MGLL: variants seen among roughly 807,000 people sequenced by gnomAD.
MGLL encodes the protein monoglyceride lipase, also known as lysophospholipase homolog.
A neutral mutation model predicts 29.1 loss-of-function variants in MGLL; 7 were observed. The ratio of observed to expected loss-of-function variants is 0.24; its 90% confidence interval spans 0.14 to 0.45. MGLL has a LOEUF of 0.45. Ranked by LOEUF, MGLL falls within the 20% of genes least tolerant of loss-of-function variation. MGLL has a pLI of 0.99. For missense variants in MGLL, 356 were observed against 413.6 expected (o/e 0.86, Z 1.21); for synonymous variants, 148 against 168.3 (o/e 0.88, Z 0.93).
At chr3:127,700,544 T>A (rs1431722603) in intron 6 of MGLL, among the ~76,000 whole-genome samples, 7 of 152,190 alleles carry the variant, frequency 4.6e-5, no homozygotes, top group African/African-American at 1.7e-4. Context: ...CAGGGCTCTG[T>A]CTGTCCTGTC....
intron 2 of MGLL, among the ~76,000 whole-genome samples, chr3:127,818,378 C>CTT (rs112476702): frequency 3.5e-5 from 5 of 141,780 alleles, no homozygotes; most frequent in African/African-American, 1.0e-4. Context: ...TATCTCTAAT[C>CTT]TTTTTTTTTT....
chr3:127,734,102 T>C (rs2076201394), intron 3 of MGLL, among the ~76,000 whole-genome samples: 1 of 152,216 alleles, frequency 6.6e-6, no homozygotes, highest in Non-Finnish European at 1.5e-5. Context: ...AGGAGTCTAA[T>C]TCTGGAGCCC....
intron 3 of MGLL, among the ~76,000 whole-genome samples, chr3:127,764,154 G>A (rs520154): frequency 0.06 from 9,176 of 152,240 alleles, 461 homozygotes; most frequent in East Asian, 0.22. Flanking sequence ...CTCAGATGCA[G>A]GAACCCACCT....
At chr3:127,757,287 T>C (rs1239355394) in intron 3 of MGLL, among the ~76,000 whole-genome samples, 1 of 152,198 alleles carries the variant, frequency 6.6e-6, no homozygotes, top group East Asian at 1.9e-4. Flanking sequence ...GTTGTTGTTT[T>C]AGGCTGTTGA....
chr3:127,727,526 A>G (rs2076067754), intron 3 of MGLL, among the ~76,000 whole-genome samples: 1 of 152,080 alleles, frequency 6.6e-6, no homozygotes, highest in Admixed American at 6.5e-5. Flanking sequence ...AGCCTGGGCA[A>G]CTTGGCAAAA....
At chr3:127,693,890 G>A (rs1034136627) in intron 7 of MGLL, among the ~76,000 whole-genome samples, 8 of 152,158 alleles carry the variant, frequency 5.3e-5, no homozygotes, top group East Asian at 1.9e-4. Context: ...GACTCCTTTC[G>A]CAGGGACTTG....
intron 2 of MGLL, among the ~76,000 whole-genome samples, chr3:127,796,927 ATC>A (rs1292773147): frequency 6.6e-6 from 1 of 152,064 alleles, no homozygotes. Context: ...TGCTGCTAAC[ATC>A]TCTCTTTGGG....
intron 2 of MGLL, among the ~76,000 whole-genome samples, chr3:127,812,178 C>T (rs929735777): frequency 1.3e-5 from 2 of 152,194 alleles, no homozygotes; most frequent in African/African-American, 4.8e-5. Flanking sequence ...CTAAGGAAGG[C>T]TTATTTAAGT....
rs558467598 is a variant in MGLL at position 127,695,282 on chromosome 3, G to A, written c.601-92C>T. ...CCTGGTAGCTTTTCCTTCTGCTCTG[G>A]CCTGAAGGGTTGATTCCATTCAGGT... On this transcript the variant is annotated intron_variant, in intron 6 of 7. Transcript: ENST00000265052. 5 of 1,302,900 alleles carry A rather than the reference G, an allele frequency of 3.8e-6. No homozygotes were observed. In the East Asian group the frequency reaches 7.3e-5, roughly 19 times the overall value. 80.7% of individuals were successfully genotyped at this position (1,302,900 alleles called of 1,614,324 possible). A position where few individuals can be genotyped will look rare whatever the true frequency, so the allele number is the denominator to read the frequency against.
chr3:127,739,793 C>T (rs2076303965), intron 3 of MGLL, among the ~76,000 whole-genome samples: 1 of 152,192 alleles, frequency 6.6e-6, no homozygotes, highest in Non-Finnish European at 1.5e-5. Flanking sequence ...TACTGTGCTG[C>T]TTCTTTGAGG....
intron 2 of MGLL, among the ~76,000 whole-genome samples, chr3:127,800,506 G>A (rs748063875): frequency 1.6e-4 from 25 of 152,318 alleles, no homozygotes; most frequent in Admixed American, 2.6e-4. Context: ...GACCTGTAGT[G>A]AGAATTAAAC....
Position 127,773,707 on chromosome 3 carries a change from C to T in MGLL, c.262+8082G>A, listed in dbSNP as rs373822140. Among the ~76,000 whole-genome samples the T allele has an allele frequency of 3.9e-5, 6 of 152,314 alleles. 1 individual carries two copies. Among genetic ancestry groups the T allele is most frequent in the East Asian group, 1.9e-4 (1 of 5,180 alleles). On this transcript the variant is annotated intron_variant, in intron 3 of 7. Coordinates refer to ENST00000265052, the MANE Select transcript of MGLL (RefSeq NM_007283.7). ...GGCCTTGAGTTCAGTATGATGCAGA[C>T]TAGACTCAGCCTTCCATTTCTAGAG...
intron 2 of MGLL, among the ~76,000 whole-genome samples, chr3:127,783,274 A>T (rs1200657569): frequency 1.1e-4 from 16 of 152,222 alleles, no homozygotes; most frequent in Admixed American, 1.0e-3. Context: ...AGGGCTCAGA[A>T]CACAAGCCAT....
At chr3:127,747,194 G>A (rs2076463074) in intron 3 of MGLL, among the ~76,000 whole-genome samples, 1 of 152,110 alleles carries the variant, frequency 6.6e-6, no homozygotes, top group African/African-American at 2.4e-5. Flanking sequence ...TGGGACTCAG[G>A]GGAAGTGACC....
intron 2 of MGLL, among the ~76,000 whole-genome samples, chr3:127,809,411 A>C (rs2077622241): frequency 6.6e-6 from 1 of 152,084 alleles, no homozygotes. Flanking sequence ...GGATCATTTG[A>C]GCCTGGGAAT....
At chr3:127,732,853 C>G (rs11709830) in intron 3 of MGLL, among the ~76,000 whole-genome samples, 49,191 of 152,162 alleles carry the variant, frequency 0.32, 9,615 homozygotes, top group Non-Finnish European at 0.44. Context: ...CCACCGAGTG[C>G]ACTGACGGAC....
chr3:127,703,518 G>A (rs2075539643), intron 6 of MGLL, among the ~76,000 whole-genome samples: 1 of 152,208 alleles, frequency 6.6e-6, no homozygotes, highest in Admixed American at 6.5e-5. Context: ...TCTGTTTTGA[G>A]TCCTTCCTCT....
At chr3:127,750,960 G>A (rs1208822834) in intron 3 of MGLL, among the ~76,000 whole-genome samples, 2 of 152,138 alleles carry the variant, frequency 1.3e-5, no homozygotes, top group East Asian at 3.9e-4. Context: ...GGCAGTTGAG[G>A]ATGTGAAAAT....
In MGLL at chr3:127,822,350, A is replaced by G; in HGVS notation, c.-32T>C. On this transcript the variant is annotated 5_prime_UTR_variant, in exon 1 of 8. Transcript: ENST00000265052. Reference sequence around the variant, plus strand: ...CTGGCGTTTGCATTCCACAACCACGACAGCCTGGAGAATCAGAACCAGGCA... The same window carrying G: ...CTGGCGTTTGCATTCCACAACCACGGCAGCCTGGAGAATCAGAACCAGGCA... 6.2e-7 allele frequency: 1 copy of G among 1,613,448 alleles called. No individual in the cohort carries two copies.
Sources: gnomAD v4.1 joint callset for allele counts (sites outside exome capture counted in the v4.1 genomes callset) on GRCh38, gnomAD v4.1.1 for gene constraint, MANE v1.5 for transcripts, NCBI Gene and HGNC (gene_info 2026-07-23, HGNC 2026-07-21) for gene names.